Variants in PAK6 observed in about 807,000 individuals in gnomAD.
PAK6 encodes the protein serine/threonine-protein kinase PAK 6.
Under a neutral mutation model 60.8 loss-of-function variants are expected in PAK6, and 33 were observed. The observed-to-expected ratio is 0.54, with a 90% CI of 0.41 to 0.73. The LOEUF (loss-of-function observed/expected upper bound fraction) is 0.73, where lower values mean the gene tolerates loss of function less well. Ranked by LOEUF, PAK6 falls within the 30% of genes least tolerant of loss-of-function variation. The pLI, the probability that PAK6 is intolerant of heterozygous loss-of-function variation, is 0.00. For missense variants in PAK6, 845 were observed against 904.1 expected, an observed-to-expected ratio of 0.93 and a Z score of 0.84; for synonymous variants, 404 against 378.5, an observed-to-expected ratio of 1.07 and a Z score of -0.78.
At chr15:40,248,218 G>A (rs1404693969) in intron 2 of PAK6, among the ~76,000 whole-genome samples, 1 of 152,100 alleles carries the variant, frequency 6.6e-6, no homozygotes, top group African/African-American at 2.4e-5. Flanking sequence ...CAGCTCCCTC[G>A]GCTCACACTT....
At chr15:40,260,144 G>A (rs943061832) in intron 3 of PAK6, 1 of 152,126 alleles carries the variant, frequency 6.6e-6, no homozygotes, top group Non-Finnish European at 1.5e-5. Flanking sequence ...CCACCAAATC[G>A]GGCCCCTCAT....
chr15:40,258,170 G>GC (rs2038889455), intron 3 of PAK6, among the ~76,000 whole-genome samples: 2 of 152,156 alleles, frequency 1.3e-5, no homozygotes, highest in South Asian at 4.2e-4. Context: ...ACAGCCCCAG[G>GC]CCCCCTGGCC....
intron 3 of PAK6, among the ~76,000 whole-genome samples, chr15:40,255,331 G>C (rs1025027792): frequency 2.6e-5 from 4 of 152,232 alleles, no homozygotes; most frequent in African/African-American, 9.6e-5. Flanking sequence ...TATGGGAATA[G>C]TGACAAAGGC....
rs1481107908 is a variant in PAK6 at position 40,253,164 on chromosome 15, C to A, written c.-117-14C>A. Reference sequence around the variant, plus strand: ...ACATTTGCCATAATGCATTTCTGATCTGTTTCCGCGCAGGCCTGCGGAGGA... The same window carrying A: ...ACATTTGCCATAATGCATTTCTGATATGTTTCCGCGCAGGCCTGCGGAGGA... On this transcript the variant is annotated splice_polypyrimidine_tract_variant and intron_variant, in intron 2 of 10. Coordinates refer to ENST00000560346, the Ensembl canonical transcript of PAK6. 1 of 455,160 alleles carries A rather than the reference C, an allele frequency of 2.2e-6. No homozygotes were observed. The highest frequency in any genetic ancestry group is 7.0e-5 in the East Asian group (1 of 14,338). The allele number at this position is 455,160 out of a possible 1,614,324, so 28.2% of individuals were successfully genotyped here.
intron 3 of PAK6, chr15:40,264,575 T>A (rs1158831460): frequency 4.8e-6 from 3 of 630,276 alleles, no homozygotes; most frequent in Non-Finnish European, 8.6e-6. Context: ...ACTGGCTTAT[T>A]TATGGCACGT....
chr15:40,260,895 AT>A (rs34624849), intron 3 of PAK6, among the ~76,000 whole-genome samples: 11 of 148,742 alleles, frequency 7.4e-5, no homozygotes, highest in East Asian at 2.0e-4. Context: ...TAAAAATTTC[AT>A]TTTTTTTTTT....
intron 2 of PAK6, among the ~76,000 whole-genome samples, chr15:40,243,997 G>A (rs4321170): frequency 0.46 from 69,190 of 152,048 alleles, 15,950 homozygotes; most frequent in East Asian, 0.59. Flanking sequence ...ACAAGGCCAC[G>A]GCAGGCTCCT....
chr15:40,267,360 A>C (rs2039171492), intron 5 of PAK6, among the ~76,000 whole-genome samples: 1 of 152,184 alleles, frequency 6.6e-6, no homozygotes, highest in African/African-American at 2.4e-5. Flanking sequence ...TGAGGTACTC[A>C]GAGAAAGTTC....
intron 3 of PAK6, among the ~76,000 whole-genome samples, chr15:40,256,325 C>A (rs1398976130): frequency 6.6e-6 from 1 of 152,138 alleles, no homozygotes; most frequent in Admixed American, 6.5e-5. Context: ...GTCTTCTGTT[C>A]GCGGTAATTC....
At chr15:40,259,765 C>A (rs1385007822) in intron 3 of PAK6, 1 of 95,998 alleles carries the variant, frequency 1.0e-5, no homozygotes, top group South Asian at 3.6e-4. Context: ...CCAGCCTGGG[C>A]AACAGAGTGA....
intron 2 of PAK6, among the ~76,000 whole-genome samples, chr15:40,248,482 C>G (rs2038559789): frequency 6.6e-6 from 1 of 152,222 alleles, no homozygotes; most frequent in Non-Finnish European, 1.5e-5. Flanking sequence ...CACGTGCCCC[C>G]ACCTCCCCGG....
intron 7 of PAK6, 25 bp downstream of exon 7, chr15:40,273,024 C>T (rs1206046470): frequency 3.7e-6 from 6 of 1,611,284 alleles, no homozygotes; most frequent in Non-Finnish European, 5.1e-6. Flanking sequence ...GGGCTGGACC[C>T]TGAGTGCAGG....
intron 6 of PAK6, 52 bp downstream of exon 6, chr15:40,272,773 C>A: frequency 6.3e-7 from 1 of 1,579,216 alleles, no homozygotes; most frequent in Non-Finnish European, 8.6e-7. Context: ...GGGCAGTGAG[C>A]AGCCAGCCAG....
chr15:40,240,449 G>A (rs2038291800), intron 1 of PAK6, 150 bp from the exon 2 acceptor site: 2 of 348,392 alleles, frequency 5.7e-6, no homozygotes, highest in Non-Finnish European at 1.1e-5. Flanking sequence ...GCGGGCACCA[G>A]TGAGTAAGCT....
intron 3 of PAK6, among the ~76,000 whole-genome samples, chr15:40,257,268 C>T (rs544339086): frequency 3.3e-5 from 5 of 152,376 alleles, no homozygotes; most frequent in South Asian, 2.1e-4. Context: ...GCAATCCCAG[C>T]GCTTACACAG....
intron 3 of PAK6, among the ~76,000 whole-genome samples, chr15:40,261,445 G>A (rs1192717154): frequency 1.3e-5 from 2 of 152,110 alleles, no homozygotes; most frequent in East Asian, 3.9e-4. Context: ...GCTAAGGCAG[G>A]AGAATCACTT....
intron 3 of PAK6, chr15:40,256,772 C>A (rs1482297222): frequency 6.6e-6 from 1 of 152,238 alleles, no homozygotes; most frequent in Admixed American, 6.5e-5. Flanking sequence ...TGCTACCTCA[C>A]AGGCTTGTGG....
chr15:40,262,882 AAAT>A (rs35296022), intron 3 of PAK6, among the ~76,000 whole-genome samples: 38,533 of 146,862 alleles, frequency 0.26, 5,136 homozygotes, highest in Admixed American at 0.34. Flanking sequence ...AAATCTCTCC[AAAT>A]TATTAGTGGG....
chr15:40,267,616 A>G (rs539116161), intron 5 of PAK6, among the ~76,000 whole-genome samples: 17 of 152,244 alleles, frequency 1.1e-4, no homozygotes, highest in South Asian at 8.3e-4. Context: ...CTGAGATCGC[A>G]CCACTGCACT....
Sources: gnomAD v4.1 joint callset for allele counts (sites outside exome capture counted in the v4.1 genomes callset) on GRCh38, gnomAD v4.1.1 for gene constraint, MANE v1.5 for transcripts, NCBI Gene and HGNC (gene_info 2026-07-23, HGNC 2026-07-21) for gene names.